Variants in VGLL4 observed in about 807,000 individuals in gnomAD.
The protein encoded by VGLL4 is vestigial like family member 4, also known as transcription cofactor vestigial-like protein 4.
A neutral mutation model predicts 21.0 loss-of-function variants in VGLL4; 7 were observed. The observed-to-expected ratio is 0.33, with a 90% CI of 0.19 to 0.63. The LOEUF is 0.63. Ranked by LOEUF, VGLL4 falls within the 20% of genes least tolerant of loss-of-function variation. The pLI, the probability that VGLL4 is intolerant of heterozygous loss-of-function variation, is 0.78. For synonymous variants in VGLL4, 222 were observed against 173.2 expected (o/e 1.28, Z -2.21); for missense variants, 394 against 425.7 (o/e 0.93, Z 0.66).
intron 1 of VGLL4, among the ~76,000 whole-genome samples, chr3:11,710,700 G>A (rs2076830238): frequency 6.6e-6 from 1 of 152,164 alleles, no homozygotes; most frequent in South Asian, 2.1e-4. Context: ...ACCACTCCCT[G>A]AGCTAAAACC....
At chr3:11,715,717 G>A (rs544677663) in intron 1 of VGLL4, among the ~76,000 whole-genome samples, 22 of 152,130 alleles carry the variant, frequency 1.4e-4, no homozygotes, top group Admixed American at 6.5e-5. Context: ...TGTTCCTAGG[G>A]GAAATGAGAG....
At chr3:11,712,372 G>A (rs2076858788) in intron 1 of VGLL4, among the ~76,000 whole-genome samples, 1 of 152,130 alleles carries the variant, frequency 6.6e-6, no homozygotes, top group African/African-American at 2.4e-5. Flanking sequence ...TTATCACATA[G>A]ATTAAACGAT....
chr3:11,715,835 T>C (rs1215616799), intron 1 of VGLL4, among the ~76,000 whole-genome samples: 1 of 152,160 alleles, frequency 6.6e-6, no homozygotes, highest in Non-Finnish European at 1.5e-5. Context: ...CTATTGTTGA[T>C]TCATTAATGT....
At chr3:11,691,916 CT>C (rs2125393473) in intron 2 of VGLL4, among the ~76,000 whole-genome samples, 2 of 148,422 alleles carry the variant, frequency 1.3e-5, no homozygotes, top group East Asian at 4.0e-4. Flanking sequence ...ACACCAGATA[CT>C]GACCGGGGCA....
chr3:11,672,028 G>C (rs2076224923), intron 2 of VGLL4, among the ~76,000 whole-genome samples: 1 of 152,070 alleles, frequency 6.6e-6, no homozygotes, highest in Non-Finnish European at 1.5e-5. Flanking sequence ...TTCTCCATTT[G>C]TTTATCTCCT....
chr3:11,702,731 C>CAAAA (rs370716518), intron 2 of VGLL4: 89 of 132,244 alleles, frequency 6.7e-4, no homozygotes, highest in African/African-American at 2.8e-3. Context: ...GATCCCATCT[C>CAAAA]AAAAAAAAAA....
chr3:11,681,883 C>T (rs937937328), intron 2 of VGLL4, among the ~76,000 whole-genome samples: 7 of 152,114 alleles, frequency 4.6e-5, no homozygotes, highest in African/African-American at 1.4e-4. Flanking sequence ...CATAACAGTG[C>T]GAGGGAAACA....
chr3:11,609,593 C>T (rs184492241), intron 1 of VGLL4, among the ~76,000 whole-genome samples: 1 of 152,318 alleles, frequency 6.6e-6, no homozygotes, highest in South Asian at 2.1e-4. Flanking sequence ...AAGGCCATGA[C>T]CTTCAACACA....
At chr3:11,575,069 C>CA (rs2073997515) in intron 2 of VGLL4, among the ~76,000 whole-genome samples, 1 of 152,196 alleles carries the variant, frequency 6.6e-6, no homozygotes, top group South Asian at 2.1e-4. Context: ...GCCAACCCCC[C>CA]ATTCCCACTT....
intron 2 of VGLL4, among the ~76,000 whole-genome samples, chr3:11,672,664 C>A (rs1348379053): frequency 6.6e-6 from 1 of 152,200 alleles, no homozygotes; most frequent in Admixed American, 6.5e-5. Flanking sequence ...CTTTCTCCAG[C>A]CCATTCACTG....
intron 2 of VGLL4, among the ~76,000 whole-genome samples, chr3:11,696,231 C>T (rs2076605170): frequency 6.6e-6 from 1 of 152,166 alleles, no homozygotes; most frequent in African/African-American, 2.4e-5. Flanking sequence ...TCCAGGGCAC[C>T]AGAGGACTTG....
At chr3:11,588,511 C>T (rs9867321) in intron 2 of VGLL4, among the ~76,000 whole-genome samples, 19,055 of 152,102 alleles carry the variant, frequency 0.13, 3,652 homozygotes, top group African/African-American at 0.42. Context: ...GACTGGGAGC[C>T]GTGGAAGGAT....
Position 11,627,990 on chromosome 3 carries a change from T to C in VGLL4, c.82+15447A>G, listed in dbSNP as rs562104747. Among the ~76,000 whole-genome samples the C allele has an allele frequency of 3.3e-5, 5 of 152,304 alleles. No individual in the cohort carries two copies. In the South Asian group the frequency reaches 1.0e-3, roughly 32 times the overall value. Reference sequence around the variant, plus strand: ...CAGTAAAAGATTGCATATTCTAAAATAGCTACATGAGAGGCTTCTGAAGGC... The same window carrying C: ...CAGTAAAAGATTGCATATTCTAAAACAGCTACATGAGAGGCTTCTGAAGGC... On this transcript the variant is annotated intron_variant, in intron 1 of 4. Coordinates refer to ENST00000430365, the MANE Select transcript of VGLL4 (RefSeq NM_001128219.3).
At chr3:11,703,709 C>T (rs2076716555) in intron 1 of VGLL4, among the ~76,000 whole-genome samples, 1 of 152,086 alleles carries the variant, frequency 6.6e-6, no homozygotes, top group Admixed American at 6.6e-5. Flanking sequence ...CCTGGAAAAC[C>T]AGAATGCTTT....
chr3:11,575,469 T>G (rs576226216), intron 2 of VGLL4, among the ~76,000 whole-genome samples: 11 of 152,276 alleles, frequency 7.2e-5, no homozygotes, highest in African/African-American at 1.9e-4. Flanking sequence ...CTCTCTCTCC[T>G]TGAGACTGGA....
chr3:11,679,726 AG>A (rs2076344206), intron 2 of VGLL4, among the ~76,000 whole-genome samples: 1 of 152,182 alleles, frequency 6.6e-6, no homozygotes, highest in Non-Finnish European at 1.5e-5. Context: ...ATATAAAGAA[AG>A]AAAGTATTTT....
At chr3:11,634,192 C>T (rs1216065403) in intron 1 of VGLL4, among the ~76,000 whole-genome samples, 2 of 152,164 alleles carry the variant, frequency 1.3e-5, no homozygotes, top group Admixed American at 6.5e-5. Flanking sequence ...TCAACGCAGC[C>T]GAAGCTAAGC....
Position 11,613,430 on chromosome 3 carries a change from T to C in VGLL4, c.83-11408A>G, listed in dbSNP as rs1178386585. Among the ~76,000 whole-genome samples the C allele has an allele frequency of 3.3e-5, 5 of 152,202 alleles. No individual in the cohort carries two copies. The East Asian group carries it at 7.7e-4, about 24-fold the overall frequency. On this transcript the variant is annotated intron_variant, in intron 1 of 4. Coordinates refer to ENST00000430365, the MANE Select transcript of VGLL4 (RefSeq NM_001128219.3). Reference sequence around the variant, plus strand: ...CAGAGAGAGAACAGAAAACTAAACTTTCCCTCTTCTGATCTCCCGTAACAC... The same window carrying C: ...CAGAGAGAGAACAGAAAACTAAACTCTCCCTCTTCTGATCTCCCGTAACAC...
At chr3:11,630,051 T>A (rs1440422044) in intron 1 of VGLL4, among the ~76,000 whole-genome samples, 1 of 152,198 alleles carries the variant, frequency 6.6e-6, no homozygotes, top group Non-Finnish European at 1.5e-5. Flanking sequence ...CCTGCTGGTT[T>A]CCATGGCTTA....
Sources: allele counts gnomAD v4.1 joint callset (sites outside exome capture counted in the v4.1 genomes callset), GRCh38; gene constraint gnomAD v4.1.1; transcripts MANE v1.5; gene names NCBI Gene and HGNC (gene_info 2026-07-23, HGNC 2026-07-21).